The following TDRD12 variants were observed in gnomAD, a reference collection of about 807,000 sequenced individuals.
TDRD12 encodes tudor domain containing 12.
In TDRD12, 158 loss-of-function variants were observed where a neutral mutation model predicts 133.5. That is an observed-to-expected ratio of 1.18 (90% CI 1.04 to 1.35). The LOEUF (loss-of-function observed/expected upper bound fraction) is 1.35. TDRD12 is among the 40% of genes most tolerant of loss of function. The pLI, the probability that TDRD12 is intolerant of heterozygous loss-of-function variation, is 0.00. For missense variants in TDRD12, 1,443 were observed against 1,321.3 expected (o/e 1.09, Z -1.43); for synonymous variants, 460 against 477.9 (o/e 0.96, Z 0.49).
intron 4 of TDRD12, 85 bp from the exon 5 acceptor site, chr19:32,748,391 T>A: frequency 1.5e-6 from 2 of 1,320,086 alleles, no homozygotes; most frequent in Non-Finnish European, 2.1e-6. Context: ...GTGTGAGAAA[T>A]GTCCAGTGCA....
chr19:32,807,110 A>G (rs1195026898), intron 21 of TDRD12, among the ~76,000 whole-genome samples: 1 of 152,006 alleles, frequency 6.6e-6, no homozygotes, highest in South Asian at 2.1e-4. Flanking sequence ...TATTATGGAA[A>G]TACATTTTGT....
At chr19:32,781,127 TAG>T (rs1327765218) in intron 11 of TDRD12, among the ~76,000 whole-genome samples, 1 of 152,072 alleles carries the variant, frequency 6.6e-6, no homozygotes, top group African/African-American at 2.4e-5. Flanking sequence ...GTATTTTTAG[TAG>T]AGACGGGGTT....
At chr19:32,807,267 TAAAAAAAAAAAAAAAAAA>T (rs59421213) in intron 21 of TDRD12, among the ~76,000 whole-genome samples, 19 of 47,210 alleles carry the variant, frequency 4.0e-4, no homozygotes, top group African/African-American at 1.8e-3. Flanking sequence ...ACCAAACTCT[TAAAAAAAAAAAAAAAAAA>T]AAAAAAAAAA....
intron 6 of TDRD12, among the ~76,000 whole-genome samples, chr19:32,751,723 G>T (rs1683492372): frequency 6.6e-6 from 1 of 152,068 alleles, no homozygotes; most frequent in African/African-American, 2.4e-5. Context: ...GAGACTATAG[G>T]TGGGCACCAC....
chr19:32,759,335 C>T lies in TDRD12; in HGVS notation c.865+2205C>T, dbSNP rs541079441. ...GGAGCCTCGACCTTCCAAGAGCCTG[C>T]AACTGCCCATATGTACACGGAGGGG... On this transcript the variant is annotated intron_variant, in intron 8 of 27. Coordinates refer to ENST00000444215, the Ensembl canonical transcript of TDRD12. Among the ~76,000 whole-genome samples the T allele has an allele frequency of 2.1e-3, 314 of 152,052 alleles. 2 individuals are homozygous for T. Among genetic ancestry groups the T allele is most frequent in the African/African-American group, 7.3e-3 (304 of 41,476 alleles).
At chr19:32,746,889 TGAGAGA>T (rs140171399) in intron 4 of TDRD12, among the ~76,000 whole-genome samples, 7 of 134,836 alleles carry the variant, frequency 5.2e-5, no homozygotes, top group Non-Finnish European at 7.9e-5. Context: ...TGTGTGTGTG[TGAGAGA>T]GAGAGAGAGA....
intron 8 of TDRD12, among the ~76,000 whole-genome samples, chr19:32,760,788 CTG>C (rs1970127734): frequency 1.3e-5 from 2 of 152,184 alleles, no homozygotes; most frequent in South Asian, 4.1e-4. Flanking sequence ...GAAACAAAGT[CTG>C]TGCTTCCATA....
chr19:32,791,601 C>T (rs146455860), intron 13 of TDRD12, among the ~76,000 whole-genome samples: 1 of 152,042 alleles, frequency 6.6e-6, no homozygotes, highest in African/African-American at 2.4e-5. Context: ...AAGCAGGAGA[C>T]AGAGTGTGGC....
chr19:32,749,497 G>A (rs190757426), intron 5 of TDRD12, among the ~76,000 whole-genome samples: 1 of 152,266 alleles, frequency 6.6e-6, no homozygotes, highest in East Asian at 1.9e-4. Flanking sequence ...GCTTTGCAGG[G>A]TAGAATGGAC....
rs1039796740 is a variant in TDRD12 at position 32,802,584 on chromosome 19, C to T, written c.2198-72C>T. 25 of 1,485,482 alleles carry T rather than the reference C, an allele frequency of 1.7e-5. No homozygotes were observed. In the South Asian group the frequency reaches 2.1e-4, roughly 13 times the overall value. The allele number at this position is 1,485,482 out of a possible 1,614,324, so 92.0% of individuals were successfully genotyped here. ...ATATGGAAATGCACTGCAGTGTGGC[C>T]GTGGGAACTGCCGGTTAAAGTAAGT... On this transcript the variant is annotated intron_variant, in intron 19 of 27. Transcript: ENST00000444215.
At chr19:32,743,509 A>G (rs1220624467) in intron 4 of TDRD12, among the ~76,000 whole-genome samples, 2 of 152,018 alleles carry the variant, frequency 1.3e-5, no homozygotes, top group Non-Finnish European at 2.9e-5. Flanking sequence ...TGGCCTCCCA[A>G]AGTGCTGGGA....
intron 1 of TDRD12, among the ~76,000 whole-genome samples, chr19:32,721,688 T>TTATGTTATGTTATGTTATGTTATG (rs1568440272): frequency 2.9e-5 from 4 of 140,328 alleles, no homozygotes; most frequent in African/African-American, 8.2e-5. Context: ...CCTATTTTAT[T>TTATGTTATGTTATGTTATGTTATG]TTATTTTATT....
At chr19:32,768,216 A>G (rs1970351546) in intron 8 of TDRD12, among the ~76,000 whole-genome samples, 1 of 152,140 alleles carries the variant, frequency 6.6e-6, no homozygotes, top group African/African-American at 2.4e-5. Context: ...GCAAGGACTG[A>G]ATGATATTCC....
At position 32,815,988 on chromosome 19, in the gene TDRD12, G is replaced by A. The variant is rs377403470; in HGVS notation, c.3314+368G>A. ...CAGCCTGGCGACAGAGTGAGACTAC[G>A]TCTCAAAAAAGAAAAAAAAAAAAGT... is the stretch of plus-strand genomic sequence containing the variant. On this transcript the variant is annotated intron_variant, in intron 26 of 27. Coordinates refer to ENST00000444215, the Ensembl canonical transcript of TDRD12. Among the ~76,000 whole-genome samples the A allele has an allele frequency of 4.8e-5, 7 of 147,322 alleles. No homozygotes were observed. In the East Asian group the frequency reaches 1.2e-3, roughly 25 times the overall value.
chr19:32,759,338 C>A (rs997422757), intron 8 of TDRD12, among the ~76,000 whole-genome samples: 6 of 152,064 alleles, frequency 3.9e-5, no homozygotes, highest in African/African-American at 1.4e-4. Flanking sequence ...GAGCCTGCAA[C>A]TGCCCATATG....
At chr19:32,728,736 C>T (rs1968939970) in intron 1 of TDRD12, among the ~76,000 whole-genome samples, 1 of 149,568 alleles carries the variant, frequency 6.7e-6, no homozygotes, top group Non-Finnish European at 1.5e-5. Flanking sequence ...AGCTCCGCCT[C>T]CTGGGTTCAC....
rs555929916 is a variant in TDRD12 at position 32,806,132 on chromosome 19, G to A, written c.2553-1417G>A. 4.7e-4 allele frequency among the ~76,000 whole-genome samples: 71 copies of A among 152,226 alleles called. 1 individual carries two copies. Among genetic ancestry groups the A allele is most frequent in the Non-Finnish European group, 9.4e-4 (64 of 68,010 alleles). Reference sequence around the variant, plus strand: ...GTGTTGATCAGCTTGGAGAGCATGGGTACCTTGACAGTCATGGGGCTTCTC... The same window carrying A: ...GTGTTGATCAGCTTGGAGAGCATGGATACCTTGACAGTCATGGGGCTTCTC... On this transcript the variant is annotated intron_variant, in intron 21 of 27. Coordinates refer to ENST00000444215, the Ensembl canonical transcript of TDRD12.
intron 3 of TDRD12, among the ~76,000 whole-genome samples, chr19:32,739,789 C>T (rs1416566689): frequency 6.9e-6 from 1 of 144,926 alleles, no homozygotes; most frequent in African/African-American, 2.6e-5. Flanking sequence ...CTCTGCATCT[C>T]CTGGGTGCTC....
At chr19:32,742,567 A>G (rs1224120757) in intron 3 of TDRD12, among the ~76,000 whole-genome samples, 3 of 152,172 alleles carry the variant, frequency 2.0e-5, no homozygotes, top group Non-Finnish European at 4.4e-5. Context: ...TATGTATCAA[A>G]AGAGTACGAT....
Sources: allele counts gnomAD v4.1 joint callset (sites outside exome capture counted in the v4.1 genomes callset), GRCh38; gene constraint gnomAD v4.1.1; transcripts MANE v1.5; gene names NCBI Gene and HGNC (gene_info 2026-07-23, HGNC 2026-07-21).